Variants in HIBADH observed in about 807,000 individuals in gnomAD.
The protein encoded by HIBADH is 3-hydroxyisobutyrate dehydrogenase, mitochondrial.
A neutral mutation model predicts 36.1 loss-of-function variants in HIBADH; 25 were observed. The observed-to-expected ratio is 0.69, with a 90% confidence interval of 0.50 to 0.97. HIBADH has a LOEUF of 0.97. Among genes scored for constraint, HIBADH ranks in the 50% least tolerant of loss-of-function variants. The probability of loss-of-function intolerance (pLI) is 0.00; values close to 1 mark genes in which losing one functional copy is unlikely to be tolerated. For missense variants in HIBADH, 421 were observed against 418.0 expected (o/e 1.01, Z -0.06); for synonymous variants, 160 against 149.5 (o/e 1.07, Z -0.51).
At chr7:27,580,799 T>C (rs1253442410) in intron 4 of HIBADH, among the ~76,000 whole-genome samples, 1 of 152,124 alleles carries the variant, frequency 6.6e-6, no homozygotes, top group Non-Finnish European at 1.5e-5. Flanking sequence ...CAACTACCTA[T>C]TAAGGAACAA....
intron 2 of HIBADH, among the ~76,000 whole-genome samples, chr7:27,634,577 T>C (rs900916537): frequency 6.6e-6 from 1 of 152,200 alleles, no homozygotes; most frequent in Non-Finnish European, 1.5e-5. Context: ...CCTACTCTAA[T>C]AAACACAATG....
At chr7:27,542,121 T>C (rs577859138) in intron 5 of HIBADH, among the ~76,000 whole-genome samples, 7 of 152,324 alleles carry the variant, frequency 4.6e-5, no homozygotes, top group Non-Finnish European at 7.4e-5. Context: ...TCTACATATA[T>C]TTTATGCGTT....
In HIBADH at chr7:27,531,225, A is replaced by G. The variant is rs140501381; in HGVS notation, c.819T>C (p.Tyr273=). The G allele has an allele frequency of 6.1e-4, 978 of 1,613,894 alleles. 9 individuals are homozygous for G. The African/African-American group carries it at 0.011, about 19-fold the overall frequency. ...TGAGTGTTGTTCCAAATCCACCCTG[A>G]TAGTTATTAGCCGAGGGAACGCCAT... ...VMDGVPSANN[Y]QGGFGTTLMA... The change falls in exon 7 of 8, where the codon TAT becomes TAC. Residue 273 remains tyrosine (Y), a synonymous_variant. Transcript: ENST00000265395.
intron 1 of HIBADH, among the ~76,000 whole-genome samples, chr7:27,660,194 T>C (rs1239308450): frequency 1.3e-5 from 2 of 152,238 alleles, no homozygotes; most frequent in African/African-American, 4.8e-5. Flanking sequence ...ATACTACAAA[T>C]ATCCAACAGA....
At chr7:27,554,126 C>T (rs1029793412) in intron 4 of HIBADH, among the ~76,000 whole-genome samples, 2 of 152,244 alleles carry the variant, frequency 1.3e-5, no homozygotes, top group Admixed American at 6.5e-5. Context: ...GCTGGGATTA[C>T]AGGCGCCCAC....
intron 2 of HIBADH, among the ~76,000 whole-genome samples, chr7:27,636,793 A>G (rs1785848495): frequency 1.3e-5 from 2 of 152,244 alleles, no homozygotes; most frequent in Non-Finnish European, 2.9e-5. Flanking sequence ...GGATTAAGTT[A>G]AAAAGAAAAA....
At chr7:27,618,775 G>A (rs954818838) in intron 4 of HIBADH, among the ~76,000 whole-genome samples, 2 of 152,100 alleles carry the variant, frequency 1.3e-5, no homozygotes, top group Non-Finnish European at 2.9e-5. Context: ...TAACCCTCAG[G>A]GAGCTTTTTC....
chr7:27,656,664 G>A (rs1238345609), intron 1 of HIBADH, among the ~76,000 whole-genome samples: 3 of 152,072 alleles, frequency 2.0e-5, no homozygotes, highest in Non-Finnish European at 2.9e-5. Context: ...CTACTGGGTC[G>A]GAGTTGAAGA....
At chr7:27,627,579 T>C (rs1004454532) in intron 4 of HIBADH, among the ~76,000 whole-genome samples, 1 of 152,210 alleles carries the variant, frequency 6.6e-6, no homozygotes, top group African/African-American at 2.4e-5. Flanking sequence ...TAACTTTATT[T>C]AGTTAAAATA....
At chr7:27,530,913 TATAA>T (rs1420864278) in intron 7 of HIBADH, among the ~76,000 whole-genome samples, 4 of 151,978 alleles carry the variant, frequency 2.6e-5, no homozygotes, top group Non-Finnish European at 4.4e-5. Context: ...TACCGGCTCA[TATAA>T]ATAAACCCAA....
At chr7:27,562,140 A>G (rs1238969542) in intron 4 of HIBADH, among the ~76,000 whole-genome samples, 1 of 151,738 alleles carries the variant, frequency 6.6e-6, no homozygotes, top group Non-Finnish European at 1.5e-5. Context: ...TGTGATTTTT[A>G]TTTCCCCTCC....
chr7:27,545,100 C>T (rs1784217471), intron 4 of HIBADH, among the ~76,000 whole-genome samples: 1 of 152,122 alleles, frequency 6.6e-6, no homozygotes. Flanking sequence ...TCTTCTCATA[C>T]ATATTCCTTT....
At chr7:27,588,317 A>C (rs1784892337) in intron 4 of HIBADH, among the ~76,000 whole-genome samples, 1 of 152,046 alleles carries the variant, frequency 6.6e-6, no homozygotes, top group Non-Finnish European at 1.5e-5. Context: ...TTTGGTAAAC[A>C]GTTTTTATTT....
intron 4 of HIBADH, among the ~76,000 whole-genome samples, chr7:27,571,915 T>C (rs551320833): frequency 1.3e-5 from 2 of 152,328 alleles, no homozygotes; most frequent in African/African-American, 2.4e-5. Flanking sequence ...GAAACTAATA[T>C]ACTTTATTTC....
chr7:27,535,368 T>C (rs1185948616), intron 6 of HIBADH, among the ~76,000 whole-genome samples: 1 of 152,074 alleles, frequency 6.6e-6, no homozygotes, highest in East Asian at 1.9e-4. Context: ...TGCAAGAAAC[T>C]ATTAATAAAA....
At chr7:27,552,491 T>C (rs1455140028) in intron 4 of HIBADH, among the ~76,000 whole-genome samples, 1 of 152,212 alleles carries the variant, frequency 6.6e-6, no homozygotes, top group Non-Finnish European at 1.5e-5. Context: ...GTAAGGCTTG[T>C]CTTTCAGGGG....
intron 2 of HIBADH, among the ~76,000 whole-genome samples, chr7:27,634,824 A>G (rs1402845245): frequency 6.6e-6 from 1 of 152,270 alleles, no homozygotes; most frequent in African/African-American, 2.4e-5. Flanking sequence ...TTAATCCCAT[A>G]AACTGGCAGT....
chr7:27,618,229 C>G (rs997576169), intron 4 of HIBADH, among the ~76,000 whole-genome samples: 1 of 152,212 alleles, frequency 6.6e-6, no homozygotes, highest in Non-Finnish European at 1.5e-5. Context: ...TGGAGGGCTA[C>G]CTATCCGGGG....
chr7:27,579,082 C>T (rs1784754984), intron 4 of HIBADH, among the ~76,000 whole-genome samples: 1 of 152,132 alleles, frequency 6.6e-6, no homozygotes, highest in Admixed American at 6.5e-5. Flanking sequence ...CTAAATGTAA[C>T]ATATGAACTT....
Sources: allele counts gnomAD v4.1 joint callset (sites outside exome capture counted in the v4.1 genomes callset), GRCh38; gene constraint gnomAD v4.1.1; transcripts MANE v1.5; gene names NCBI Gene and HGNC (gene_info 2026-07-23, HGNC 2026-07-21).